COL4A5: variants seen among roughly 807,000 people sequenced by gnomAD.
COL4A5 encodes the protein collagen type IV alpha 5 chain.
In COL4A5, 26 loss-of-function variants were observed where a neutral mutation model predicts 130.2. The ratio of observed to expected loss-of-function variants is 0.20; its 90% CI spans 0.15 to 0.28. The LOEUF (loss-of-function observed/expected upper bound fraction) is 0.28, where lower values mean the gene tolerates loss of function less well. Ranked by LOEUF, COL4A5 falls within the 10% of genes least tolerant of loss-of-function variation. COL4A5 has a pLI of 1.00. For synonymous variants in COL4A5, 496 were observed against 439.6 expected (o/e 1.13, Z -1.60); for missense variants, 1,131 against 1,344.3 (o/e 0.84, Z 2.48).
chrX:108,569,424 T>C (rs540112571), intron 6 of COL4A5, among the ~76,000 whole-genome samples: 1 of 111,708 alleles, frequency 9.0e-6, no homozygotes, highest in Admixed American at 9.5e-5. Context: ...GTTTCTTCTC[T>C]TTAGTCAACT....
chrX:108,642,052 C>G (rs902740154), intron 36 of COL4A5, among the ~76,000 whole-genome samples: 1 of 111,353 alleles, frequency 9.0e-6, no homozygotes, highest in Non-Finnish European at 1.9e-5. Context: ...AATAGGGGCA[C>G]AGTGGGAGTA....
At chrX:108,567,163 C>A (rs1298826246) in intron 4 of COL4A5, among the ~76,000 whole-genome samples, 5 of 111,301 alleles carry the variant, frequency 4.5e-5, no homozygotes, top group South Asian at 7.6e-4. Flanking sequence ...TTAATTATTT[C>A]TTTGTTGAGT....
chrX:108,582,778 A>G (rs1185775148), intron 16 of COL4A5, 106 bp from the exon 17 acceptor site: 17 of 586,015 alleles, frequency 2.9e-5, no homozygotes, highest in Non-Finnish European at 4.4e-5. Context: ...ATTCTGACTG[A>G]CCATTTTTGC....
intron 46 of COL4A5, 94 bp downstream of exon 46, chrX:108,681,050 G>A (rs1057267060): frequency 3.2e-5 from 25 of 775,584 alleles, no homozygotes; most frequent in Non-Finnish European, 2.0e-5. Context: ...GACCATCGGA[G>A]GCTAAGTCCC....
chrX:108,591,260 C>G (rs776954729), intron 20 of COL4A5, 29 bp downstream of exon 20: 1 of 1,181,584 alleles, frequency 8.5e-7, no homozygotes. Flanking sequence ...CTATTAAGTT[C>G]TATTTTTGTT....
At chrX:108,551,877 T>C (rs1187053587) in intron 2 of COL4A5, among the ~76,000 whole-genome samples, 1 of 111,766 alleles carries the variant, frequency 8.9e-6, no homozygotes, top group Non-Finnish European at 1.9e-5. Context: ...TATGCAGCCA[T>C]AAAAAAGAAT....
Position 108,681,900 on chromosome X carries a change from GATCATCTTTATT to G in COL4A5, c.4216+18_4216+29del. ...TCAAGGCTTACCAGGTACCAATGCA[GATCATCTTTATT>G]ATCATTATTATACTTTTAATTTCTG... On this transcript the variant is annotated intron_variant, in intron 47 of 52. Coordinates refer to ENST00000328300, the MANE Select transcript of COL4A5 (RefSeq NM_033380.3). 7 of 1,197,762 alleles carry G rather than the reference GATCATCTTTATT, an allele frequency of 5.8e-6. No individual in the cohort carries two copies. The highest frequency in any genetic ancestry group is 7.9e-6 in the Non-Finnish European group (7 of 884,521).
chrX:108,634,278 T>G (rs181863579), intron 36 of COL4A5, among the ~76,000 whole-genome samples: 1 of 110,140 alleles, frequency 9.1e-6, no homozygotes, highest in African/African-American at 3.3e-5. Context: ...TAAATGGGGT[T>G]ATAGAATTAA....
At chrX:108,634,813 T>C (rs1285131054) in intron 36 of COL4A5, among the ~76,000 whole-genome samples, 2 of 111,318 alleles carry the variant, frequency 1.8e-5, no homozygotes, top group East Asian at 5.6e-4. Context: ...TTTTCCCCCA[T>C]TGATTATTAA....
intron 2 of COL4A5, among the ~76,000 whole-genome samples, chrX:108,548,602 A>G (rs1008461242): frequency 9.0e-6 from 1 of 111,596 alleles, no homozygotes; most frequent in African/African-American, 3.3e-5. Flanking sequence ...CTTGGTGAAA[A>G]GTATAAATTT....
intron 2 of COL4A5, among the ~76,000 whole-genome samples, chrX:108,554,899 C>G (rs1209708217): frequency 2.7e-5 from 3 of 111,739 alleles, no homozygotes; most frequent in Non-Finnish European, 5.6e-5. Context: ...AAACCCCAAA[C>G]TTTTAAAATA....
chrX:108,439,843 T>A lies in COL4A5; in HGVS notation c.-283T>A. 2.8e-6 allele frequency: 1 copy of A among 360,782 alleles called. No individual in the cohort carries two copies. The highest frequency in any genetic ancestry group is 4.8e-6 in the Non-Finnish European group (1 of 207,060). 29.7% of individuals were successfully genotyped at this position (360,782 alleles called of 1,213,427 possible). On this transcript the variant is annotated 5_prime_UTR_variant, in exon 1 of 53. Coordinates refer to ENST00000328300, the MANE Select transcript of COL4A5 (RefSeq NM_033380.3). Reference sequence around the variant, plus strand: ...GGGAAGAGAGGGAGGAAAGTAGATCTGTAGGAATTGAGTGAAGAAAAAGTT... The same window carrying A: ...GGGAAGAGAGGGAGGAAAGTAGATCAGTAGGAATTGAGTGAAGAAAAAGTT...
intron 36 of COL4A5, among the ~76,000 whole-genome samples, chrX:108,651,641 C>T (rs73636563): frequency 0.1 from 11,583 of 111,147 alleles, 1,299 homozygotes; most frequent in African/African-American, 0.34. Flanking sequence ...TTTGAGCCAC[C>T]TGTAGGCTCA....
chrX:108,578,719 A>G (rs74487160), intron 13 of COL4A5, among the ~76,000 whole-genome samples: 1 of 103,049 alleles, frequency 9.7e-6, no homozygotes, highest in African/African-American at 3.7e-5. Context: ...TGCTCTTGTC[A>G]CCCAGGCTGG....
At chrX:108,524,972 TG>T (rs2065299153) in intron 1 of COL4A5, among the ~76,000 whole-genome samples, 1 of 112,037 alleles carries the variant, frequency 8.9e-6, no homozygotes, top group African/African-American at 3.2e-5. Context: ...CTACTGTAAT[TG>T]GGCAGAGTGT....
intron 36 of COL4A5, among the ~76,000 whole-genome samples, chrX:108,635,277 A>G (rs1373452694): frequency 9.0e-6 from 1 of 111,065 alleles, no homozygotes; most frequent in African/African-American, 3.3e-5. Flanking sequence ...AGATTAAAAC[A>G]TGCTTCATAA....
chrX:108,639,331 C>T (rs1436871408), intron 36 of COL4A5, among the ~76,000 whole-genome samples: 1 of 110,667 alleles, frequency 9.0e-6, no homozygotes, highest in Non-Finnish European at 1.9e-5. Flanking sequence ...TGTCCATATG[C>T]AGAAGAATGG....
chrX:108,622,909 T>TA, intron 33 of COL4A5, 84 bp downstream of exon 33: 1 of 950,462 alleles, frequency 1.1e-6, no homozygotes, highest in Non-Finnish European at 1.5e-6. Context: ...TGACTTATAA[T>TA]ACAGAATTCA....
intron 1 of COL4A5, among the ~76,000 whole-genome samples, chrX:108,509,568 C>G (rs2065161173): frequency 8.9e-6 from 1 of 112,158 alleles, no homozygotes; most frequent in African/African-American, 3.2e-5. Context: ...CTCAATGTCA[C>G]TGATCATTAG....
Sources: gnomAD v4.1 joint callset for allele counts (sites outside exome capture counted in the v4.1 genomes callset) on GRCh38, gnomAD v4.1.1 for gene constraint, MANE v1.5 for transcripts, NCBI Gene and HGNC (gene_info 2026-07-23, HGNC 2026-07-21) for gene names.